The following EML4 variants were observed in gnomAD, a reference collection of about 807,000 sequenced individuals.
EML4 encodes echinoderm microtubule-associated protein-like 4.
A neutral mutation model predicts 129.0 loss-of-function variants in EML4; 72 were observed. The observed-to-expected ratio is 0.56, with a 90% CI of 0.46 to 0.68. EML4 has a LOEUF of 0.68. EML4 is among the 30% of genes least tolerant of loss of function. The pLI, the probability that EML4 is intolerant of heterozygous loss-of-function variation, is 0.00. For synonymous variants in EML4, 532 were observed against 405.0 expected (o/e 1.31, Z -3.77); for missense variants, 1,363 against 1,190.6 (o/e 1.14, Z -2.13).
intron 2 of EML4, among the ~76,000 whole-genome samples, chr2:42,253,845 C>T (rs1675951196): frequency 6.6e-6 from 1 of 152,130 alleles, no homozygotes; most frequent in Non-Finnish European, 1.5e-5. Flanking sequence ...TCTTAGTGAC[C>T]TTGAGTTTGA....
At chr2:42,280,043 C>A (rs960923742) in intron 6 of EML4, among the ~76,000 whole-genome samples, 1 of 152,078 alleles carries the variant, frequency 6.6e-6, no homozygotes. Flanking sequence ...AATATTTTCT[C>A]CCGTTCTGTA....
In EML4 at chr2:42,192,518, G is replaced by A. The variant is rs562215869; in HGVS notation, c.25+22882G>A. On this transcript the variant is annotated intron_variant, in intron 1 of 22. Transcript: ENST00000318522. Reference sequence around the variant, plus strand: ...GCCTCCCAAAGTACTGGGATTACAGGCATCAGCCACCGTGCCCAGCCTACT... The same window carrying A: ...GCCTCCCAAAGTACTGGGATTACAGACATCAGCCACCGTGCCCAGCCTACT... Among the ~76,000 whole-genome samples, 35 of 152,090 alleles carry A rather than the reference G, an allele frequency of 2.3e-4. No individual in the cohort carries two copies. The East Asian group carries it at 5.4e-3, about 24-fold the overall frequency.
chr2:42,174,698 T>C (rs1670489823), intron 1 of EML4, among the ~76,000 whole-genome samples: 1 of 152,266 alleles, frequency 6.6e-6, no homozygotes, highest in African/African-American at 2.4e-5. Flanking sequence ...AAATATTATT[T>C]TAAAGCATTC....
chr2:42,192,344 A>T (rs1424605333), intron 1 of EML4, among the ~76,000 whole-genome samples: 1 of 149,638 alleles, frequency 6.7e-6, no homozygotes, highest in Non-Finnish European at 1.5e-5. Context: ...GCTTCAAGAG[A>T]TTCTCCCGCC....
At chr2:42,264,140 C>G (rs1311183310) in intron 5 of EML4, among the ~76,000 whole-genome samples, 2 of 114,604 alleles carry the variant, frequency 1.7e-5, no homozygotes, top group African/African-American at 6.1e-5. Flanking sequence ...GAGACAGTGT[C>G]TCAGTCGTCC....
At chr2:42,291,571 T>C (rs1667644472) in intron 11 of EML4, among the ~76,000 whole-genome samples, 2 of 151,922 alleles carry the variant, frequency 1.3e-5, no homozygotes, top group African/African-American at 4.8e-5. Context: ...GCCCAGCTAA[T>C]TTTTGTATTT....
At chr2:42,196,493 A>C (rs1301547075) in intron 1 of EML4, among the ~76,000 whole-genome samples, 1 of 152,200 alleles carries the variant, frequency 6.6e-6, no homozygotes, top group African/African-American at 2.4e-5. Context: ...ATCTAAGGAT[A>C]AATTGAGAGT....
intron 20 of EML4, among the ~76,000 whole-genome samples, chr2:42,325,791 G>A (rs1488996561): frequency 1.3e-5 from 2 of 151,278 alleles, no homozygotes; most frequent in African/African-American, 4.9e-5. Context: ...TTCTCCAAGA[G>A]TAATGAATTA....
At chr2:42,179,939 T>A (rs1034180845) in intron 1 of EML4, among the ~76,000 whole-genome samples, 2 of 152,058 alleles carry the variant, frequency 1.3e-5, no homozygotes, top group African/African-American at 2.4e-5. Flanking sequence ...CGTGTACATA[T>A]AGAGGGAGGG....
chr2:42,288,390 A>T (rs373333663), intron 11 of EML4, 68 bp downstream of exon 11: 14 of 802,464 alleles, frequency 1.7e-5, no homozygotes, highest in African/African-American at 1.2e-4. Flanking sequence ...ATTTGGAACT[A>T]TATTGGTATT....
intron 1 of EML4, among the ~76,000 whole-genome samples, chr2:42,201,863 C>T (rs1372682095): frequency 6.6e-6 from 1 of 152,194 alleles, no homozygotes; most frequent in Admixed American, 6.5e-5. Context: ...AGGCAGATCA[C>T]TTGAGGCCAG....
intron 1 of EML4, among the ~76,000 whole-genome samples, chr2:42,213,937 A>C (rs1346652884): frequency 6.6e-6 from 1 of 152,200 alleles, no homozygotes. Context: ...TAGGATTTTA[A>C]AATTAATTCC....
chr2:42,269,368 T>A (rs1378403670), intron 6 of EML4, among the ~76,000 whole-genome samples: 1 of 152,228 alleles, frequency 6.6e-6, no homozygotes, highest in African/African-American at 2.4e-5. Context: ...TTGTTCTTTA[T>A]CAGATATACA....
At chr2:42,292,888 G>A (rs1456024545) in intron 11 of EML4, among the ~76,000 whole-genome samples, 1 of 152,144 alleles carries the variant, frequency 6.6e-6, no homozygotes, top group Non-Finnish European at 1.5e-5. Flanking sequence ...TGATGGGTAT[G>A]CTGGGAATAT....
chr2:42,277,749 A>G (rs1196142494), intron 6 of EML4, among the ~76,000 whole-genome samples: 1 of 152,068 alleles, frequency 6.6e-6, no homozygotes, highest in African/African-American at 2.4e-5. Context: ...TTGTATTTTT[A>G]GTAGAGACGG....
intron 1 of EML4, among the ~76,000 whole-genome samples, chr2:42,220,802 A>C (rs183577633): frequency 6.6e-6 from 1 of 152,336 alleles, no homozygotes; most frequent in Admixed American, 6.5e-5. Context: ...TCCAGTGAAC[A>C]TATGAATGAT....
At chr2:42,291,128 A>G (rs901449255) in intron 11 of EML4, among the ~76,000 whole-genome samples, 1 of 152,242 alleles carries the variant, frequency 6.6e-6, no homozygotes, top group Admixed American at 6.5e-5. Flanking sequence ...GTGGCGATGC[A>G]GTAGGCGCAG....
chr2:42,182,661 T>C (rs542921940), intron 1 of EML4, among the ~76,000 whole-genome samples: 2 of 152,272 alleles, frequency 1.3e-5, no homozygotes, highest in East Asian at 1.9e-4. Flanking sequence ...ATCACAAATA[T>C]TTATTTTATA....
intron 9 of EML4, among the ~76,000 whole-genome samples, chr2:42,285,235 A>G (rs6748216): frequency 0.013 from 1,934 of 152,278 alleles, 37 homozygotes; most frequent in African/African-American, 0.044. Context: ...ATGTGTGACT[A>G]GAACTGATAC....
Sources: allele counts gnomAD v4.1 joint callset (sites outside exome capture counted in the v4.1 genomes callset), GRCh38; gene constraint gnomAD v4.1.1; transcripts MANE v1.5; gene names NCBI Gene and HGNC (gene_info 2026-07-23, HGNC 2026-07-21).